EPB41L5: variants seen among roughly 807,000 people sequenced by gnomAD.
The protein encoded by EPB41L5 is erythrocyte membrane protein band 4.1 like 5, also known as band 4.1-like protein 5.
EPB41L5 carries 55 observed loss-of-function variants against 106.6 expected under a neutral mutation model. That is an observed-to-expected ratio of 0.52 (90% CI 0.42 to 0.65). The LOEUF (loss-of-function observed/expected upper bound fraction) is 0.65, where lower values mean the gene tolerates loss of function less well. Among genes scored for constraint, EPB41L5 ranks in the 30% least tolerant of loss-of-function variants. The pLI, the probability that EPB41L5 is intolerant of heterozygous loss-of-function variation, is 0.00. For missense variants in EPB41L5, 871 were observed against 882.1 expected, an observed-to-expected ratio of 0.99 and a Z score of 0.16; for synonymous variants, 297 against 306.7, an observed-to-expected ratio of 0.97 and a Z score of 0.33.
At chr2:120,099,065 A>C (rs1683960507) in intron 14 of EPB41L5, among the ~76,000 whole-genome samples, 1 of 152,254 alleles carries the variant, frequency 6.6e-6, no homozygotes, top group South Asian at 2.1e-4. Context: ...GAGTGGCTGA[A>C]CAATAGGGGA....
At chr2:120,068,315 C>G (rs1681597043) in intron 3 of EPB41L5, among the ~76,000 whole-genome samples, 2 of 152,228 alleles carry the variant, frequency 1.3e-5, no homozygotes, top group African/African-American at 4.8e-5. Flanking sequence ...GGTGCCTACG[C>G]CACAAGGGCC....
In EPB41L5 at chr2:120,127,827, G is replaced by A; in HGVS notation, c.1477G>A (p.Gly493Arg). 6.2e-7 allele frequency: 1 copy of A among 1,611,266 alleles called. No homozygotes were observed. Among genetic ancestry groups the A allele is most frequent in the Non-Finnish European group, 8.5e-7 (1 of 1,178,012 alleles). Residue 493 changes from glycine (G) to arginine (R), a missense_variant, in exon 17 of 25, where the codon GGG becomes AGG. Coordinates refer to ENST00000263713, the MANE Select transcript of EPB41L5 (RefSeq NM_020909.4). The part of the protein sequence containing the change: ...VNVATRLPGL[G>R]EPEVEYETLK... ...TGTAGCCACCAGGCTTCCGGGATTAGGGGAACCTGAAGTTGAATATGAGAG... is the reference window on the plus strand; with the variant it reads ...TGTAGCCACCAGGCTTCCGGGATTAAGGGAACCTGAAGTTGAATATGAGAG...
At chr2:120,051,795 G>A (rs1054129636) in intron 3 of EPB41L5, among the ~76,000 whole-genome samples, 16 of 151,350 alleles carry the variant, frequency 1.1e-4, no homozygotes, top group African/African-American at 3.9e-4. Context: ...GACTGGAGCT[G>A]TTCTTATTCG....
intron 18 of EPB41L5, among the ~76,000 whole-genome samples, chr2:120,134,565 G>A (rs931734740): frequency 2.4e-4 from 37 of 152,268 alleles, no homozygotes; most frequent in African/African-American, 7.5e-4. Flanking sequence ...TGCTTGTGTC[G>A]TTCCTCCCCC....
chr2:120,059,013 A>G (rs1043377775), intron 3 of EPB41L5, among the ~76,000 whole-genome samples: 1 of 152,226 alleles, frequency 6.6e-6, no homozygotes, highest in Non-Finnish European at 1.5e-5. Context: ...ATTTTAAAAA[A>G]GGGGAATAAA....
chr2:120,100,784 G>A lies in EPB41L5; in HGVS notation c.1307G>A (p.Ser436Asn). 6.2e-7 allele frequency: 1 copy of A among 1,611,048 alleles called. No homozygotes were observed. Among genetic ancestry groups the A allele is most frequent in the African/African-American group, 1.3e-5 (1 of 74,884 alleles). ...VPVEIENLPQ[S>N]PGTDQHDRKC... is the part of the protein sequence containing the mutation. ...GTGGAGATAGAGAATCTTCCACAGA[G>A]TCCTGGAACAGACCAGCATGACAGG... Residue 436 changes from serine (S) to asparagine (N), a missense_variant, in exon 16 of 25, where the codon AGT (serine) becomes AAT (asparagine). Physicochemically the swap from Ser to Asn is conservative, Grantham distance 46 (BLOSUM62 1). Coordinates refer to ENST00000263713, the MANE Select transcript of EPB41L5 (RefSeq NM_020909.4).
chr2:120,142,113 TAAAAAAAAAA>T (rs59204598), intron 18 of EPB41L5, among the ~76,000 whole-genome samples: 3 of 143,188 alleles, frequency 2.1e-5, no homozygotes, highest in Admixed American at 6.9e-5. Flanking sequence ...CTTTCTTTTT[TAAAAAAAAAA>T]AAAAAAAAAA....
At chr2:120,075,340 CCAAA>C (rs1231038505) in intron 5 of EPB41L5, 132 bp from the exon 6 acceptor site, 3 of 701,914 alleles carry the variant, frequency 4.3e-6, no homozygotes, top group African/African-American at 1.8e-5. Flanking sequence ...TCATGTATCC[CCAAA>C]CTATGCACAT....
At chr2:120,120,201 G>C (rs1685145988) in intron 16 of EPB41L5, among the ~76,000 whole-genome samples, 1 of 152,094 alleles carries the variant, frequency 6.6e-6, no homozygotes, top group African/African-American at 2.4e-5. Context: ...GGCTGAGGTG[G>C]GTAGATCACC....
intron 21 of EPB41L5, among the ~76,000 whole-genome samples, chr2:120,163,328 T>C (rs1278479368): frequency 6.9e-6 from 1 of 145,390 alleles, no homozygotes; most frequent in Non-Finnish European, 1.5e-5. Flanking sequence ...TGCTATGCCC[T>C]AGGTTCCTAT....
chr2:120,087,913 CACAT>C (rs778854359), intron 11 of EPB41L5, among the ~76,000 whole-genome samples: 12 of 152,170 alleles, frequency 7.9e-5, no homozygotes, highest in Non-Finnish European at 1.6e-4. Flanking sequence ...GGATGCAACT[CACAT>C]GCATTGTTCT....
intron 1 of EPB41L5, among the ~76,000 whole-genome samples, chr2:120,013,850 G>C (rs899570857): frequency 2.8e-4 from 42 of 152,216 alleles, no homozygotes; most frequent in Admixed American, 2.5e-3. Context: ...CAATATTTTA[G>C]ACTAATATTA....
chr2:120,061,080 G>T (rs1215058857), intron 3 of EPB41L5, among the ~76,000 whole-genome samples: 1 of 109,062 alleles, frequency 9.2e-6, no homozygotes, highest in Non-Finnish European at 1.7e-5. Flanking sequence ...TCACTCTGTT[G>T]CCCAGGCTGG....
intron 4 of EPB41L5, 127 bp from the exon 5 acceptor site, chr2:120,073,973 C>T: frequency 4.5e-6 from 3 of 659,754 alleles, no homozygotes; most frequent in Non-Finnish European, 5.2e-6. Context: ...TATGATCTAA[C>T]CTGCAATAAT....
At chr2:120,119,311 C>CTTTGTTTTTGTTT (rs1374557585) in intron 16 of EPB41L5, among the ~76,000 whole-genome samples, 1 of 151,202 alleles carries the variant, frequency 6.6e-6, no homozygotes, top group African/African-American at 2.4e-5. Flanking sequence ...TTTTGTTTGT[C>CTTTGTTTTTGTTT]TTTGTTTTTG....
intron 3 of EPB41L5, among the ~76,000 whole-genome samples, chr2:120,070,256 A>G (rs1455174581): frequency 6.6e-6 from 1 of 152,230 alleles, no homozygotes; most frequent in Non-Finnish European, 1.5e-5. Context: ...TCCTGGACAC[A>G]TATACCCTCC....
intron 20 of EPB41L5, among the ~76,000 whole-genome samples, chr2:120,153,564 C>T (rs924471513): frequency 6.6e-6 from 1 of 152,050 alleles, no homozygotes; most frequent in Non-Finnish European, 1.5e-5. Flanking sequence ...TTGTTCTACC[C>T]ATAATGATGA....
At chr2:120,016,428 CAA>C (rs59063558) in intron 1 of EPB41L5, among the ~76,000 whole-genome samples, 2 of 139,966 alleles carry the variant, frequency 1.4e-5, no homozygotes, top group Admixed American at 7.3e-5. Context: ...GAGACTGTCT[CAA>C]AAAAAAAAAG....
intron 1 of EPB41L5, among the ~76,000 whole-genome samples, chr2:120,014,167 A>C (rs916488105): frequency 6.6e-6 from 1 of 152,256 alleles, no homozygotes; most frequent in African/African-American, 2.4e-5. Flanking sequence ...AAAAGCAATT[A>C]ACCAACCATA....
Sources: allele counts gnomAD v4.1 joint callset (sites outside exome capture counted in the v4.1 genomes callset), GRCh38; gene constraint gnomAD v4.1.1; transcripts MANE v1.5; gene names NCBI Gene and HGNC (gene_info 2026-07-23, HGNC 2026-07-21).